DLG2: variants seen among roughly 807,000 people sequenced by gnomAD.
The protein encoded by DLG2 is disks large homolog 2.
In DLG2, 45 loss-of-function variants were observed where a neutral mutation model predicts 132.5. That is an observed-to-expected ratio of 0.34 (90% CI 0.27 to 0.44). The LOEUF (loss-of-function observed/expected upper bound fraction) is 0.44, where lower values mean the gene tolerates loss of function less well. DLG2 is among the 20% of genes least tolerant of loss of function. The probability of loss-of-function intolerance (pLI) is 1.00; values close to 1 mark genes in which losing one functional copy is unlikely to be tolerated. For synonymous variants in DLG2, 424 were observed against 419.6 expected, an observed-to-expected ratio of 1.01 and a Z score of -0.13; for missense variants, 1,045 against 1,196.9, an observed-to-expected ratio of 0.87 and a Z score of 1.87.
At chr11:85,496,054 A>G (rs2093661624) in intron 3 of DLG2, among the ~76,000 whole-genome samples, 1 of 152,188 alleles carries the variant, frequency 6.6e-6, no homozygotes, top group Admixed American at 6.5e-5. Context: ...CTGGTTGGAC[A>G]GTGGGTGCAG....
At chr11:84,245,210 C>G (rs576117847) in intron 8 of DLG2, among the ~76,000 whole-genome samples, 12 of 152,182 alleles carry the variant, frequency 7.9e-5, no homozygotes, top group Non-Finnish European at 1.5e-4. Flanking sequence ...TTGTCACTGA[C>G]ACTCATGTGT....
At chr11:85,303,467 A>C (rs1272978173) in intron 3 of DLG2, among the ~76,000 whole-genome samples, 3 of 152,188 alleles carry the variant, frequency 2.0e-5, no homozygotes, top group South Asian at 4.1e-4. Context: ...TAATTCAATA[A>C]ATATTTATTA....
Position 84,340,685 on chromosome 11 carries a change from C to T in DLG2, c.520-89394G>A, listed in dbSNP as rs141024626. On this transcript the variant is annotated intron_variant, in intron 7 of 27. Coordinates refer to ENST00000376104, the MANE Select transcript of DLG2 (RefSeq NM_001142699.3). Reference sequence around the variant, plus strand: ...AACAGGTATCTCCTGACTCTAATGTCGGCACTCTTCTTGCTTCATTGCAGG... The same window carrying T: ...AACAGGTATCTCCTGACTCTAATGTTGGCACTCTTCTTGCTTCATTGCAGG... 8.3e-3 allele frequency among the ~76,000 whole-genome samples: 1,263 copies of T among 152,206 alleles called. 59 individuals are homozygous for T. Among genetic ancestry groups the T allele is most frequent in the Non-Finnish European group, 1.6e-3 (106 of 68,022 alleles).
rs74777420 is a variant in DLG2, at chr11:85,583,978, C to T, written c.40+14679G>A. Among the ~76,000 whole-genome samples, 1,392 of 152,252 alleles carry T rather than the reference C, an allele frequency of 9.1e-3. 20 individuals carry two copies. The highest frequency in any genetic ancestry group is 0.03 in the African/African-American group (1,242 of 41,530). ...CTGGTTAATTGGGAAAAGTAACCATCTAATCCAGTTTATTTTTTTCTAATT... is the reference window on the plus strand; with the variant it reads ...CTGGTTAATTGGGAAAAGTAACCATTTAATCCAGTTTATTTTTTTCTAATT... On this transcript the variant is annotated intron_variant, in intron 3 of 27. Transcript: ENST00000376104.
chr11:83,776,883 C>T (rs1000370786), intron 18 of DLG2, among the ~76,000 whole-genome samples: 2 of 152,286 alleles, frequency 1.3e-5, no homozygotes, highest in South Asian at 2.1e-4. Context: ...TGTTTGTCTT[C>T]GTTTGGTCTG....
chr11:84,864,480 T>C (rs2084247742), intron 6 of DLG2, among the ~76,000 whole-genome samples: 1 of 152,182 alleles, frequency 6.6e-6, no homozygotes, highest in Admixed American at 6.5e-5. Context: ...CTACATCAAA[T>C]ATATATTTCT....
chr11:84,381,822 G>C (rs771536403), intron 7 of DLG2, among the ~76,000 whole-genome samples: 35 of 152,172 alleles, frequency 2.3e-4, no homozygotes, highest in Admixed American at 1.2e-3. Context: ...GGAAAAAGCA[G>C]CTGCTGCTAG....
At chr11:83,537,832 AAAAGAGAG>A (rs1565695459) in intron 20 of DLG2, among the ~76,000 whole-genome samples, 3 of 129,488 alleles carry the variant, frequency 2.3e-5, no homozygotes, top group African/African-American at 1.0e-4. Context: ...AAAAAAAAAA[AAAAGAGAG>A]AGAGAGATAC....
At chr11:84,670,976 C>A (rs569920227) in intron 6 of DLG2, among the ~76,000 whole-genome samples, 1 of 152,246 alleles carries the variant, frequency 6.6e-6, no homozygotes, top group Admixed American at 6.5e-5. Context: ...AATTTACAAC[C>A]TCTTGCAGCA....
intron 6 of DLG2, among the ~76,000 whole-genome samples, chr11:84,736,813 A>G (rs534543106): frequency 7.2e-5 from 11 of 152,132 alleles, no homozygotes; most frequent in African/African-American, 2.6e-4. Context: ...ATGACATGTC[A>G]TCTGTAAACA....
intron 10 of DLG2, among the ~76,000 whole-genome samples, chr11:84,083,718 A>T (rs1000387977): frequency 6.6e-6 from 1 of 152,168 alleles, no homozygotes; most frequent in African/African-American, 2.4e-5. Context: ...TGCTGGTACC[A>T]TGCTCTTGGA....
chr11:84,026,478 G>A (rs1488018345), intron 11 of DLG2, among the ~76,000 whole-genome samples: 2 of 152,094 alleles, frequency 1.3e-5, no homozygotes, highest in Non-Finnish European at 2.9e-5. Context: ...AACCTTTACA[G>A]AGAATGGAGG....
At chr11:85,391,864 C>A (rs977841575) in intron 3 of DLG2, among the ~76,000 whole-genome samples, 2 of 152,058 alleles carry the variant, frequency 1.3e-5, no homozygotes, top group Admixed American at 1.3e-4. Context: ...AGCATCCCTG[C>A]TGAGAACTGG....
In DLG2 at chr11:84,508,647, G is replaced by A. The variant is rs573775160; in HGVS notation, c.519+25923C>T. Among the ~76,000 whole-genome samples, 11 of 152,132 alleles carry A rather than the reference G, an allele frequency of 7.2e-5. No individual in the cohort carries two copies. The East Asian group carries it at 1.4e-3, about 19-fold the overall frequency. ...ACTCCTGACCTCAGGTGATCCACTCGCCTCGGCCTCCCAAAGTGCTGGGAT... is the reference window on the plus strand; with the variant it reads ...ACTCCTGACCTCAGGTGATCCACTCACCTCGGCCTCCCAAAGTGCTGGGAT... On this transcript the variant is annotated intron_variant, in intron 7 of 27. Transcript: ENST00000376104.
chr11:84,533,658 G>A (rs188946950), intron 7 of DLG2, among the ~76,000 whole-genome samples: 3 of 152,148 alleles, frequency 2.0e-5, no homozygotes, highest in Admixed American at 1.3e-4. Flanking sequence ...GAACACGGGA[G>A]ACACTTTTAT....
chr11:84,638,038 C>T (rs1449097390), intron 6 of DLG2, among the ~76,000 whole-genome samples: 5 of 152,174 alleles, frequency 3.3e-5, no homozygotes, highest in Admixed American at 6.5e-5. Context: ...GGAATGAAAA[C>T]GTGTTTGCTT....
rs116427392 is a variant in DLG2, at chr11:84,031,759, A to G, written c.919+27556T>C. Among the ~76,000 whole-genome samples the G allele has an allele frequency of 4.8e-3, 729 of 152,282 alleles. 6 individuals are homozygous for G. The highest frequency in any genetic ancestry group is 0.017 in the African/African-American group (713 of 41,564). On this transcript the variant is annotated intron_variant, in intron 11 of 27. Transcript: ENST00000376104. ...TCATTTTATTGCCCTTCTCTTTAGTATACTTCACAGATACCACATTTTTTA... is the reference window on the plus strand; with the variant it reads ...TCATTTTATTGCCCTTCTCTTTAGTGTACTTCACAGATACCACATTTTTTA...
chr11:84,781,026 T>G (rs2153908143), intron 6 of DLG2, among the ~76,000 whole-genome samples: 1 of 146,516 alleles, frequency 6.8e-6, no homozygotes, highest in South Asian at 2.1e-4. Context: ...CGACAAGACT[T>G]CATTGTCTGC....
intron 17 of DLG2, among the ~76,000 whole-genome samples, chr11:83,806,893 T>C: frequency 6.6e-6 from 1 of 152,096 alleles, no homozygotes; most frequent in East Asian, 1.9e-4. Context: ...GAGAATAATA[T>C]AGCAGACAAG....
Sources: allele counts gnomAD v4.1 joint callset (sites outside exome capture counted in the v4.1 genomes callset), GRCh38; gene constraint gnomAD v4.1.1; transcripts MANE v1.5; gene names NCBI Gene and HGNC (gene_info 2026-07-23, HGNC 2026-07-21).